The following MALRD1 variants were observed in gnomAD, a reference collection of about 807,000 sequenced individuals.
MALRD1 encodes the protein MAM and LDL-receptor class A domain-containing protein 1.
A neutral mutation model predicts 242.1 loss-of-function variants in MALRD1; 247 were observed. The ratio of observed to expected loss-of-function variants is 1.02; its 90% CI spans 0.92 to 1.13. The LOEUF is 1.13. Among genes scored for constraint, MALRD1 ranks in the 50% most tolerant of loss-of-function variants. MALRD1 has a pLI of 0.00. For missense variants in MALRD1, 2,989 were observed against 2,533.1 expected (o/e 1.18, Z -3.86); for synonymous variants, 995 against 866.6 (o/e 1.15, Z -2.60).
chr10:19,485,162 T>C (rs1320364436), intron 29 of MALRD1, among the ~76,000 whole-genome samples: 1 of 151,990 alleles, frequency 6.6e-6, no homozygotes, highest in East Asian at 1.9e-4. Flanking sequence ...ATAAAGAACA[T>C]TGGAAACTCA....
intron 38 of MALRD1, among the ~76,000 whole-genome samples, chr10:19,698,834 A>G (rs1294272855): frequency 5.9e-5 from 9 of 152,184 alleles, no homozygotes; most frequent in Non-Finnish European, 1.2e-4. Flanking sequence ...AGTCTTAAAA[A>G]GACTGTGGTA....
chr10:19,138,075 G>A (rs1052737022), intron 10 of MALRD1, among the ~76,000 whole-genome samples: 8 of 152,124 alleles, frequency 5.3e-5, no homozygotes, highest in African/African-American at 1.9e-4. Flanking sequence ...TAAGAGCAAC[G>A]CGGAGGGACA....
At chr10:19,360,770 A>G (rs958690077) in intron 26 of MALRD1, among the ~76,000 whole-genome samples, 3 of 152,158 alleles carry the variant, frequency 2.0e-5, no homozygotes, top group Non-Finnish European at 4.4e-5. Context: ...TTAAAAATGC[A>G]TGACATCATT....
intron 14 of MALRD1, among the ~76,000 whole-genome samples, chr10:19,197,493 C>T (rs1836318288): frequency 6.6e-6 from 1 of 152,106 alleles, no homozygotes; most frequent in South Asian, 2.1e-4. Flanking sequence ...TCTTATTCTA[C>T]CCTCACTCAT....
intron 29 of MALRD1, among the ~76,000 whole-genome samples, chr10:19,490,139 C>G (rs7086129): frequency 0.55 from 84,076 of 151,820 alleles, 23,418 homozygotes; most frequent in Non-Finnish European, 0.57. Flanking sequence ...TGGTACATGT[C>G]TTAGGAATTG....
chr10:19,241,700 T>G (rs1451185407), intron 18 of MALRD1, among the ~76,000 whole-genome samples: 3 of 152,122 alleles, frequency 2.0e-5, no homozygotes, highest in Non-Finnish European at 4.4e-5. Context: ...TTGCTATAAA[T>G]TTCCCTCTTA....
chr10:19,304,882 T>A (rs1842100014), intron 21 of MALRD1, among the ~76,000 whole-genome samples: 1 of 151,734 alleles, frequency 6.6e-6, no homozygotes, highest in African/African-American at 2.4e-5. Flanking sequence ...TATTGTCTAT[T>A]TGGCAAGCAT....
intron 18 of MALRD1, among the ~76,000 whole-genome samples, chr10:19,244,214 C>T (rs1040346095): frequency 6.6e-6 from 1 of 152,112 alleles, no homozygotes; most frequent in African/African-American, 2.4e-5. Flanking sequence ...TTCTTCAACT[C>T]ACTGGTTCCT....
chr10:19,705,804 T>TAAAGAAAA lies in MALRD1; in HGVS notation c.6314+13253_6314+13254insGAAAAAAA, dbSNP rs1554828352. Among the ~76,000 whole-genome samples, 4 of 102,904 alleles carry TAAAGAAAA rather than the reference T, an allele frequency of 3.9e-5. 1 individual carries two copies. Among genetic ancestry groups the TAAAGAAAA allele is most frequent in the East Asian group, 5.9e-4 (2 of 3,414 alleles). The allele number at this position is 102,904 out of a possible 152,430, so 67.5% of individuals were successfully genotyped here. Reference sequence around the variant, plus strand: ...ACCTTGTTCTCATGTCCTGCAATAGTAAAAAAAAAAAAAAGCCCACAAGAG... The same window carrying TAAAGAAAA: ...ACCTTGTTCTCATGTCCTGCAATAGTAAAGAAAAAAAAAAAAAAAAAAGCCCACAAGAG... On this transcript the variant is annotated intron_variant, in intron 38 of 39. Coordinates refer to ENST00000454679, the MANE Select transcript of MALRD1 (RefSeq NM_001142308.3).
chr10:19,380,868 A>T (rs993510753), intron 26 of MALRD1, among the ~76,000 whole-genome samples: 1 of 151,282 alleles, frequency 6.6e-6, no homozygotes, highest in Non-Finnish European at 1.5e-5. Flanking sequence ...TTCTTCTAGG[A>T]TCACTTGATT....
At position 19,140,655 on chromosome 10, in the gene MALRD1, T is replaced by C. The variant is rs185699694; in HGVS notation, c.1411+3874T>C. On this transcript the variant is annotated intron_variant, in intron 10 of 39. Coordinates refer to ENST00000454679, the MANE Select transcript of MALRD1 (RefSeq NM_001142308.3). The stretch of plus-strand genomic sequence containing the variant: ...TTCCTATTTGTGACAATGATGAGCG[T>C]GGAGGGGATTATGCAAAGTGAAATA... Among the ~76,000 whole-genome samples, 64 of 152,002 alleles carry C rather than the reference T, an allele frequency of 4.2e-4. 2 individuals are homozygous for C. In the South Asian group the frequency reaches 0.012, roughly 28 times the overall value.
chr10:19,648,568 T>A, intron 36 of MALRD1, among the ~76,000 whole-genome samples: 1 of 152,048 alleles, frequency 6.6e-6, no homozygotes, highest in East Asian at 1.9e-4. Flanking sequence ...TCAACACTTT[T>A]CAGAGGAAGA....
At chr10:19,430,212 T>C (rs981489778) in intron 28 of MALRD1, among the ~76,000 whole-genome samples, 9 of 142,846 alleles carry the variant, frequency 6.3e-5, no homozygotes, top group Non-Finnish European at 1.4e-4. Context: ...CCTCCTGGGT[T>C]CATGCCATTC....
chr10:19,393,428 T>G (rs1254966968), intron 28 of MALRD1, among the ~76,000 whole-genome samples: 1 of 149,146 alleles, frequency 6.7e-6, no homozygotes, highest in Admixed American at 6.8e-5. Flanking sequence ...GTCACTTGTT[T>G]CCTGATGAGG....
At chr10:19,512,069 A>G (rs560207145) in intron 31 of MALRD1, among the ~76,000 whole-genome samples, 3 of 152,200 alleles carry the variant, frequency 2.0e-5, no homozygotes, top group Non-Finnish European at 2.9e-5. Context: ...TTGCTGCAGT[A>G]TGATTGCTTA....
intron 32 of MALRD1, among the ~76,000 whole-genome samples, chr10:19,534,442 A>G (rs1423032340): frequency 1.3e-5 from 2 of 152,104 alleles, no homozygotes; most frequent in African/African-American, 2.4e-5. Context: ...GCTTTTTTAC[A>G]ATCTCTAATT....
intron 31 of MALRD1, among the ~76,000 whole-genome samples, chr10:19,523,243 A>G (rs1833957497): frequency 6.6e-6 from 1 of 152,220 alleles, no homozygotes; most frequent in South Asian, 2.1e-4. Flanking sequence ...CAGTGCCTTC[A>G]GACTTAACCA....
intron 2 of MALRD1, among the ~76,000 whole-genome samples, chr10:19,070,707 G>A (rs1016419089): frequency 1.3e-5 from 2 of 151,814 alleles, no homozygotes; most frequent in East Asian, 1.9e-4. Flanking sequence ...CTAGTTCTTT[G>A]TCGTATAATT....
intron 24 of MALRD1, among the ~76,000 whole-genome samples, chr10:19,338,072 A>AG (rs1470552159): frequency 6.6e-6 from 1 of 151,124 alleles, no homozygotes; most frequent in African/African-American, 2.4e-5. Context: ...AAAAAAAAAA[A>AG]AAAGAAAGAA....
Sources: allele counts gnomAD v4.1 joint callset (sites outside exome capture counted in the v4.1 genomes callset), GRCh38; gene constraint gnomAD v4.1.1; transcripts MANE v1.5; gene names NCBI Gene and HGNC (gene_info 2026-07-23, HGNC 2026-07-21).